The following PTPRK variants were observed in gnomAD, a reference collection of about 807,000 sequenced individuals.
The protein encoded by PTPRK is receptor-type tyrosine-protein phosphatase kappa.
In PTPRK, 75 loss-of-function variants were observed where a neutral mutation model predicts 178.0. The observed-to-expected ratio is 0.42, with a 90% CI of 0.35 to 0.51. The LOEUF (loss-of-function observed/expected upper bound fraction) is 0.51. Among genes scored for constraint, PTPRK ranks in the 20% least tolerant of loss-of-function variants. The probability of loss-of-function intolerance (pLI) is 0.02; values close to 1 mark genes in which losing one functional copy is unlikely to be tolerated. For synonymous variants in PTPRK, 637 were observed against 620.6 expected (o/e 1.03, Z -0.39); for missense variants, 1,441 against 1,797.8 (o/e 0.80, Z 3.59).
intron 7 of PTPRK, among the ~76,000 whole-genome samples, chr6:128,132,669 C>T (rs889183798): frequency 2.6e-5 from 4 of 152,356 alleles, no homozygotes; most frequent in African/African-American, 9.6e-5. Flanking sequence ...TTATGGCATA[C>T]TTGACTTTCA....
At chr6:128,384,668 T>C (rs1475756173) in intron 2 of PTPRK, among the ~76,000 whole-genome samples, 5 of 152,132 alleles carry the variant, frequency 3.3e-5, no homozygotes, top group Non-Finnish European at 5.9e-5. Flanking sequence ...TAACTACAAA[T>C]GGAATGTGTG....
chr6:128,005,021 G>C (rs543791004), intron 15 of PTPRK, 63 bp downstream of exon 15: 1 of 1,396,136 alleles, frequency 7.2e-7, no homozygotes, highest in Non-Finnish European at 9.9e-7. Context: ...AAAAGGTATC[G>C]TGTAGAATTC....
At chr6:128,288,947 T>C (rs1049266616) in intron 3 of PTPRK, among the ~76,000 whole-genome samples, 1 of 152,100 alleles carries the variant, frequency 6.6e-6, no homozygotes, top group African/African-American at 2.4e-5. Flanking sequence ...TATTACTGCA[T>C]TGGCTTTCTT....
At chr6:128,322,630 A>C (rs975552932) in intron 2 of PTPRK, among the ~76,000 whole-genome samples, 7 of 149,606 alleles carry the variant, frequency 4.7e-5, no homozygotes, top group African/African-American at 1.7e-4. Flanking sequence ...ATCTCACTCT[A>C]AATCTCTGGT....
At chr6:128,408,259 G>A (rs530455791) in intron 1 of PTPRK, among the ~76,000 whole-genome samples, 3 of 151,958 alleles carry the variant, frequency 2.0e-5, no homozygotes, top group African/African-American at 7.3e-5. Context: ...GTGGTGGCGG[G>A]CGCCTGTAAT....
intron 1 of PTPRK, among the ~76,000 whole-genome samples, chr6:128,497,635 C>T (rs909085549): frequency 1.3e-5 from 2 of 152,140 alleles, no homozygotes; most frequent in African/African-American, 4.8e-5. Context: ...TATTTCCCCT[C>T]TTTTAAAATT....
intron 6 of PTPRK, among the ~76,000 whole-genome samples, chr6:128,197,883 T>C (rs1805185090): frequency 6.6e-6 from 1 of 152,144 alleles, no homozygotes; most frequent in Non-Finnish European, 1.5e-5. Flanking sequence ...AGAGACCTCA[T>C]GCCTGCCTCA....
At chr6:128,203,424 C>A (rs1390645035) in intron 6 of PTPRK, among the ~76,000 whole-genome samples, 1 of 152,080 alleles carries the variant, frequency 6.6e-6, no homozygotes, top group African/African-American at 2.4e-5. Context: ...AAAGTTCTGG[C>A]CAGGGCAATC....
At chr6:128,115,567 G>T (rs550302946) in intron 7 of PTPRK, among the ~76,000 whole-genome samples, 2 of 152,034 alleles carry the variant, frequency 1.3e-5, no homozygotes, top group Admixed American at 6.6e-5. Flanking sequence ...AGTAATTAAG[G>T]GAGTGAAGAG....
intron 7 of PTPRK, among the ~76,000 whole-genome samples, chr6:128,171,160 C>A (rs1467138725): frequency 6.6e-6 from 1 of 151,894 alleles, no homozygotes; most frequent in Non-Finnish European, 1.5e-5. Flanking sequence ...AGAAACACTT[C>A]AAGTAAAATT....
chr6:128,492,339 A>T (rs556367175), intron 1 of PTPRK, among the ~76,000 whole-genome samples: 23 of 152,276 alleles, frequency 1.5e-4, no homozygotes, highest in Non-Finnish European at 2.6e-4. Context: ...ATGTTCCCAG[A>T]ATACCCCAAA....
At chr6:128,481,783 CATT>C (rs1306007582) in intron 1 of PTPRK, among the ~76,000 whole-genome samples, 1 of 152,014 alleles carries the variant, frequency 6.6e-6, no homozygotes, top group Non-Finnish European at 1.5e-5. Flanking sequence ...CATGAATATA[CATT>C]TTAAGAGTAT....
At chr6:128,290,194 C>T (rs1317195490) in intron 3 of PTPRK, among the ~76,000 whole-genome samples, 1 of 152,048 alleles carries the variant, frequency 6.6e-6, no homozygotes, top group Non-Finnish European at 1.5e-5. Flanking sequence ...CTTCAAATAA[C>T]AGTGCTTTTG....
intron 1 of PTPRK, among the ~76,000 whole-genome samples, chr6:128,438,881 A>G (rs567868202): frequency 6.7e-4 from 102 of 152,258 alleles, no homozygotes; most frequent in Non-Finnish European, 1.2e-3. Context: ...AGTTGCATCA[A>G]CTCTGGGAAG....
intron 3 of PTPRK, among the ~76,000 whole-genome samples, chr6:128,304,914 T>C (rs1826152110): frequency 1.3e-5 from 2 of 152,142 alleles, no homozygotes; most frequent in Admixed American, 6.6e-5. Flanking sequence ...CCATGGCAGT[T>C]TAAGAAATGG....
At chr6:128,284,404 T>C (rs1290180726) in intron 3 of PTPRK, among the ~76,000 whole-genome samples, 1 of 152,228 alleles carries the variant, frequency 6.6e-6, no homozygotes, top group Admixed American at 6.5e-5. Flanking sequence ...CACATGATAC[T>C]TTTCACATAC....
intron 6 of PTPRK, among the ~76,000 whole-genome samples, chr6:128,192,835 G>A (rs962021824): frequency 6.9e-6 from 1 of 145,944 alleles, no homozygotes; most frequent in African/African-American, 2.5e-5. Context: ...GGAAGGGAAG[G>A]GAAGGGGAGG....
At position 128,368,950 on chromosome 6, in the gene PTPRK, CAAAA is replaced by C. The variant is rs369472572; in HGVS notation, c.223+28612_223+28615del. ...CAAAACAAAACAAAAAACAAACAAA[CAAAA>C]AAAAAAACACACACACAGCAATAAC... On this transcript the variant is annotated intron_variant, in intron 2 of 29. Coordinates refer to ENST00000368226, the MANE Select transcript of PTPRK (RefSeq NM_002844.4). Among the ~76,000 whole-genome samples the C allele has an allele frequency of 6.1e-4, 92 of 150,794 alleles. No individual in the cohort carries two copies. In the East Asian group the frequency reaches 6.8e-3, roughly 11 times the overall value.
intron 13 of PTPRK, among the ~76,000 whole-genome samples, chr6:128,044,212 T>A (rs1777665975): frequency 6.6e-6 from 1 of 152,084 alleles, no homozygotes; most frequent in Non-Finnish European, 1.5e-5. Flanking sequence ...ATCCACTTAG[T>A]CGCACATGCC....
Sources: allele counts gnomAD v4.1 joint callset (sites outside exome capture counted in the v4.1 genomes callset), GRCh38; gene constraint gnomAD v4.1.1; transcripts MANE v1.5; gene names NCBI Gene and HGNC (gene_info 2026-07-23, HGNC 2026-07-21).